SYNPR: variants seen among roughly 807,000 people sequenced by gnomAD.
SYNPR encodes the protein synaptoporin.
Under a neutral mutation model 32.9 loss-of-function variants are expected in SYNPR, and 23 were observed. That is an observed-to-expected ratio of 0.70 (90% CI 0.50 to 0.99). SYNPR has a LOEUF of 0.99. SYNPR is among the 50% of genes least tolerant of loss of function. The pLI, the probability that SYNPR is intolerant of heterozygous loss-of-function variation, is 0.00. For missense variants in SYNPR, 318 were observed against 349.3 expected, an observed-to-expected ratio of 0.91 and a Z score of 0.71; for synonymous variants, 146 against 135.9, an observed-to-expected ratio of 1.07 and a Z score of -0.52.
intron 2 of SYNPR, among the ~76,000 whole-genome samples, chr3:63,266,098 C>A (rs898731400): frequency 6.6e-6 from 1 of 152,150 alleles, no homozygotes; most frequent in Non-Finnish European, 1.5e-5. Context: ...AGATCCAAAC[C>A]AGGTAACTCC....
intron 2 of SYNPR, among the ~76,000 whole-genome samples, chr3:63,360,906 G>A (rs570735392): frequency 1.6e-4 from 25 of 152,168 alleles, no homozygotes; most frequent in South Asian, 2.1e-4. Context: ...GTGTGTTTGC[G>A]TCTATTGTCT....
chr3:63,241,608 A>G (rs1032647903), intron 1 of SYNPR, among the ~76,000 whole-genome samples: 5 of 152,034 alleles, frequency 3.3e-5, no homozygotes, highest in Non-Finnish European at 7.4e-5. Context: ...TTCCTTTCCT[A>G]TATCTTGATA....
At chr3:63,345,431 A>T (rs1453721715) in intron 2 of SYNPR, among the ~76,000 whole-genome samples, 1 of 152,214 alleles carries the variant, frequency 6.6e-6, no homozygotes, top group Non-Finnish European at 1.5e-5. Flanking sequence ...TAGCAGCAGC[A>T]GGGCTGTCTC....
At chr3:63,518,487 G>A (rs1229235652) in intron 3 of SYNPR, among the ~76,000 whole-genome samples, 2 of 152,132 alleles carry the variant, frequency 1.3e-5, no homozygotes, top group Non-Finnish European at 2.9e-5. Context: ...TGATGCTTGA[G>A]TGAGCATGGG....
chr3:63,469,171 C>A (rs1259983627), intron 2 of SYNPR, among the ~76,000 whole-genome samples: 2 of 152,050 alleles, frequency 1.3e-5, no homozygotes, highest in African/African-American at 4.8e-5. Flanking sequence ...CTGCACATGG[C>A]AATCTGAGGC....
chr3:63,511,134 AAT>A (rs1701691341), intron 3 of SYNPR, among the ~76,000 whole-genome samples: 1 of 58,952 alleles, frequency 1.7e-5, no homozygotes, highest in Non-Finnish European at 4.5e-5. Flanking sequence ...GGGTATTGGG[AAT>A]CATGGACCCT....
At chr3:63,285,375 T>A (rs1666843339) in intron 2 of SYNPR, among the ~76,000 whole-genome samples, 1 of 118,428 alleles carries the variant, frequency 8.4e-6, no homozygotes, top group African/African-American at 3.3e-5. Flanking sequence ...TCCTCTTTTG[T>A]TAAAAAAAGT....
chr3:63,357,552 C>A (rs2087600152), intron 2 of SYNPR, among the ~76,000 whole-genome samples: 1 of 151,964 alleles, frequency 6.6e-6, no homozygotes, highest in African/African-American at 2.4e-5. Context: ...ACTCATCTAC[C>A]AGGCCACAAG....
intron 2 of SYNPR, among the ~76,000 whole-genome samples, chr3:63,290,253 C>T (rs4688391): frequency 0.46 from 70,521 of 151,974 alleles, 16,560 homozygotes; most frequent in Middle Eastern, 0.52. Flanking sequence ...ACCCAGGCAA[C>T]TGGATGCCAG....
At chr3:63,256,430 G>T (rs1052232968) in intron 2 of SYNPR, among the ~76,000 whole-genome samples, 22 of 152,200 alleles carry the variant, frequency 1.4e-4, no homozygotes, top group Non-Finnish European at 2.8e-4. Context: ...CTGTTCTGCA[G>T]CCTCTGCTGC....
At chr3:63,457,134 C>T (rs756519085) in intron 2 of SYNPR, among the ~76,000 whole-genome samples, 17 of 151,794 alleles carry the variant, frequency 1.1e-4, no homozygotes, top group Non-Finnish European at 2.2e-4. Context: ...CTTGAAGTAC[C>T]TCTCGGGAAG....
chr3:63,258,235 C>T (rs553804880), intron 2 of SYNPR, among the ~76,000 whole-genome samples: 1 of 152,342 alleles, frequency 6.6e-6, no homozygotes, highest in African/African-American at 2.4e-5. Flanking sequence ...TAGACATCTA[C>T]AGAACTCTCC....
At chr3:63,280,331 A>G (rs4688387) in intron 2 of SYNPR, among the ~76,000 whole-genome samples, 47,714 of 151,950 alleles carry the variant, frequency 0.31, 7,810 homozygotes, top group South Asian at 0.47. Context: ...CAAAATATTG[A>G]TAAGATGGGT....
chr3:63,400,543 T>C (rs1042505946), intron 2 of SYNPR, among the ~76,000 whole-genome samples: 10 of 152,224 alleles, frequency 6.6e-5, no homozygotes, highest in Admixed American at 2.0e-4. Flanking sequence ...TGGCAGCTGA[T>C]ATTCTACACA....
At chr3:63,306,557 A>C (rs919784854) in intron 2 of SYNPR, among the ~76,000 whole-genome samples, 2 of 151,898 alleles carry the variant, frequency 1.3e-5, no homozygotes, top group African/African-American at 4.8e-5. Flanking sequence ...ACAATATAAA[A>C]TTAGTTTGTA....
chr3:63,260,074 T>C (rs1575578834), intron 2 of SYNPR, among the ~76,000 whole-genome samples: 1 of 152,008 alleles, frequency 6.6e-6, no homozygotes, highest in Admixed American at 6.6e-5. Flanking sequence ...TAAAAGAGGA[T>C]ACAAACAAAT....
At chr3:63,419,267 T>C (rs746559515) in intron 2 of SYNPR, among the ~76,000 whole-genome samples, 1 of 152,196 alleles carries the variant, frequency 6.6e-6, no homozygotes, top group Non-Finnish European at 1.5e-5. Context: ...GCCAGACTAG[T>C]TGCCTCCCTG....
At chr3:63,394,011 G>T (rs1229656782) in intron 2 of SYNPR, among the ~76,000 whole-genome samples, 1 of 152,106 alleles carries the variant, frequency 6.6e-6, no homozygotes. Context: ...TTTATAAGCA[G>T]ATATATTTCA....
chr3:63,385,363 C>T (rs561650074), intron 2 of SYNPR, among the ~76,000 whole-genome samples: 1 of 152,218 alleles, frequency 6.6e-6, no homozygotes, highest in South Asian at 2.1e-4. Flanking sequence ...TCTTGATGTA[C>T]TAAAAAACAT....
Sources: gnomAD v4.1 joint callset for allele counts (sites outside exome capture counted in the v4.1 genomes callset) on GRCh38, gnomAD v4.1.1 for gene constraint, MANE v1.5 for transcripts, NCBI Gene and HGNC (gene_info 2026-07-23, HGNC 2026-07-21) for gene names.